The following KIRREL3 variants were observed in gnomAD, a reference collection of about 807,000 sequenced individuals.
The protein encoded by KIRREL3 is kirre like nephrin family adhesion molecule 3.
A neutral mutation model predicts 89.7 loss-of-function variants in KIRREL3; 36 were observed. The ratio of observed to expected loss-of-function variants is 0.40; its 90% CI spans 0.31 to 0.53. KIRREL3 has a LOEUF of 0.53. Ranked by LOEUF, KIRREL3 falls within the 20% of genes least tolerant of loss-of-function variation. KIRREL3 has a pLI of 0.49. For missense variants in KIRREL3, 864 were observed against 1,056.6 expected, an observed-to-expected ratio of 0.82 and a Z score of 2.53; for synonymous variants, 445 against 441.4, an observed-to-expected ratio of 1.01 and a Z score of -0.10.
Position 126,485,419 on chromosome 11 carries a change from C to T in KIRREL3, c.434-11953G>A, listed in dbSNP as rs1008140220. 6.6e-6 allele frequency among the ~76,000 whole-genome samples: 1 copy of T among 152,170 alleles called. No homozygotes were observed. Among genetic ancestry groups the T allele is most frequent in the African/African-American group, 2.4e-5 (1 of 41,428 alleles). On this transcript the variant is annotated intron_variant, in intron 4 of 16. Transcript: ENST00000525144. This position sits in a 1 kb window ranked among gnomAD's most constrained non-coding sequence, Gnocchi z 5.8. ...ATTGTTTAGGGGATAAGAAGGGAGG[C>T]CCTGAAGTCAGAGTGCCTGGCTGGG...
rs952962913 is a variant in KIRREL3 at position 126,443,291 on chromosome 11, C to T, written c.1252+1688G>A. Reference sequence around the variant, plus strand: ...CCTGACTTCCGAGTGCCCTGGCTGGCGCGGGCTGTGTGGAGGGCCGCTGAT... The same window carrying T: ...CCTGACTTCCGAGTGCCCTGGCTGGTGCGGGCTGTGTGGAGGGCCGCTGAT... On this transcript the variant is annotated intron_variant, in intron 10 of 16. Transcript: ENST00000525144. This position sits in a 1 kb window ranked among gnomAD's most constrained non-coding sequence, Gnocchi z 7.3. Among the ~76,000 whole-genome samples, 13 of 152,118 alleles carry T rather than the reference C, an allele frequency of 8.5e-5. No homozygotes were observed. Among genetic ancestry groups the T allele is most frequent in the Admixed American group, 2.6e-4 (4 of 15,268 alleles).
chr11:126,758,726 A>C (rs1949581982), intron 1 of KIRREL3, among the ~76,000 whole-genome samples: 1 of 152,238 alleles, frequency 6.6e-6, no homozygotes, highest in Non-Finnish European at 1.5e-5. Context: ...GTGTCAGTGC[A>C]TACAGAACTA....
chr11:126,467,644 T>A (rs28534962), intron 5 of KIRREL3, among the ~76,000 whole-genome samples: 97,494 of 150,210 alleles, frequency 0.65, 32,008 homozygotes, highest in East Asian at 0.83. Flanking sequence ...TTTTTTTTTT[T>A]AAAAAATCAT....
chr11:126,619,362 C>T (rs1368149663), intron 1 of KIRREL3, among the ~76,000 whole-genome samples: 3 of 152,186 alleles, frequency 2.0e-5, no homozygotes, highest in East Asian at 1.9e-4. Context: ...GAGAGGAAGG[C>T]GGAAGCCAGA....
In KIRREL3 at chr11:126,905,690, C is replaced by T. The variant is rs1946555389; in HGVS notation, c.55+94765G>A. On this transcript the variant is annotated intron_variant, in intron 1 of 16. Coordinates refer to ENST00000525144, the MANE Select transcript of KIRREL3 (RefSeq NM_032531.4). The surrounding 1 kb of genome is among the most constrained non-coding windows in gnomAD (Gnocchi z 5.0). The stretch of plus-strand genomic sequence containing the variant: ...ATTCTCCAATCTGTCTGGCCATGAA[C>T]CCTTAACAGAACACCAGAGACCTAT... Among the ~76,000 whole-genome samples, 1 of 152,108 alleles carries T rather than the reference C, an allele frequency of 6.6e-6. No homozygotes were observed. Among genetic ancestry groups the T allele is most frequent in the African/African-American group, 2.4e-5 (1 of 41,406 alleles).
At chr11:126,800,636 A>G (rs1951002039) in intron 1 of KIRREL3, among the ~76,000 whole-genome samples, 1 of 152,138 alleles carries the variant, frequency 6.6e-6, no homozygotes, top group Non-Finnish European at 1.5e-5. Flanking sequence ...TGATAGTGCA[A>G]CCTTCAGGAT....
chr11:126,847,316 G>A (rs545495876), intron 1 of KIRREL3, among the ~76,000 whole-genome samples: 3 of 151,640 alleles, frequency 2.0e-5, no homozygotes, highest in Admixed American at 2.0e-4. Context: ...GTAATAATAA[G>A]AATTGTTACA....
At chr11:126,451,464 G>A (rs572804654) in intron 7 of KIRREL3, among the ~76,000 whole-genome samples, 1 of 149,896 alleles carries the variant, frequency 6.7e-6, no homozygotes, top group Admixed American at 6.6e-5. Flanking sequence ...GCGCATGTGT[G>A]GGCATGTGCA....
At position 126,564,627 on chromosome 11, in the gene KIRREL3, G is replaced by A. The variant is rs990519952; in HGVS notation, c.56-1715C>T. On this transcript the variant is annotated intron_variant, in intron 1 of 16. Coordinates refer to ENST00000525144, the MANE Select transcript of KIRREL3 (RefSeq NM_032531.4). This position sits in a 1 kb window ranked among gnomAD's most constrained non-coding sequence, Gnocchi z 7.4. ...TTACATCTCAGGCACCCAAATTGACGATGTTAAGTTCCCTCATTCAAGGCC... is the reference window on the plus strand; with the variant it reads ...TTACATCTCAGGCACCCAAATTGACAATGTTAAGTTCCCTCATTCAAGGCC... Among the ~76,000 whole-genome samples, 10 of 152,202 alleles carry A rather than the reference G, an allele frequency of 6.6e-5. No individual in the cohort carries two copies. Among genetic ancestry groups the A allele is most frequent in the African/African-American group, 7.2e-5 (3 of 41,454 alleles).
intron 1 of KIRREL3, among the ~76,000 whole-genome samples, chr11:126,667,176 A>G (rs529400636): frequency 4.9e-4 from 75 of 152,400 alleles, no homozygotes; most frequent in African/African-American, 1.7e-3. Context: ...AAATAAAAAA[A>G]GAAGACAATC....
rs1348969918 is a variant in KIRREL3, at chr11:126,643,477, G to A, written c.56-80565C>T. ...GGGAAAAAACATGAGTATTGAAGTG[G>A]AAAAGAGGAGGTCATGGTTCAGGGA... is the stretch of plus-strand genomic sequence containing the variant. On this transcript the variant is annotated intron_variant, in intron 1 of 16. Coordinates refer to ENST00000525144, the MANE Select transcript of KIRREL3 (RefSeq NM_032531.4). This position sits in a 1 kb window ranked among gnomAD's most constrained non-coding sequence, Gnocchi z 4.5. Among the ~76,000 whole-genome samples the A allele has an allele frequency of 6.6e-6, 1 of 152,124 alleles. No homozygotes were observed. The highest frequency in any genetic ancestry group is 1.5e-5 in the Non-Finnish European group (1 of 68,018).
chr11:126,604,836 C>A (rs1004283142), intron 1 of KIRREL3, among the ~76,000 whole-genome samples: 2 of 152,216 alleles, frequency 1.3e-5, no homozygotes, highest in African/African-American at 2.4e-5. Flanking sequence ...CACCCCAGAG[C>A]TGCAACCTGC....
rs1939795671 is a variant in KIRREL3, at chr11:126,557,581, AT to A, written c.133+5253del. On this transcript the variant is annotated intron_variant, in intron 2 of 16. Transcript: ENST00000525144. The surrounding 1 kb of genome is among the most constrained non-coding windows in gnomAD (Gnocchi z 5.6). Reference sequence around the variant, plus strand: ...CTCTTAAGTGCTCCTCCCACTACACATCCCAGCTGTGGGGCACCTCTCTTTC... The same window carrying A: ...CTCTTAAGTGCTCCTCCCACTACACACCCAGCTGTGGGGCACCTCTCTTTC... Among the ~76,000 whole-genome samples, 1 of 152,172 alleles carries A rather than the reference AT, an allele frequency of 6.6e-6. No individual in the cohort carries two copies.
intron 1 of KIRREL3, among the ~76,000 whole-genome samples, chr11:126,804,717 A>G (rs988434836): frequency 1.1e-4 from 17 of 152,210 alleles, no homozygotes; most frequent in East Asian, 3.8e-4. Flanking sequence ...TAAAAAATTC[A>G]TGAGTGTTCG....
chr11:126,911,875 C>T (rs993769656), intron 1 of KIRREL3, among the ~76,000 whole-genome samples: 10 of 150,596 alleles, frequency 6.6e-5, no homozygotes, highest in African/African-American at 1.7e-4. Flanking sequence ...CCCAGCTACT[C>T]GGGAGGCTGA....
intron 11 of KIRREL3, among the ~76,000 whole-genome samples, chr11:126,438,022 A>G (rs950222006): frequency 6.6e-6 from 1 of 152,170 alleles, no homozygotes; most frequent in African/African-American, 2.4e-5. Flanking sequence ...ACATGTACAC[A>G]CACATACTCT....
intron 1 of KIRREL3, among the ~76,000 whole-genome samples, chr11:126,861,463 C>T (rs1214368193): frequency 1.3e-5 from 2 of 152,092 alleles, no homozygotes; most frequent in South Asian, 2.1e-4. Context: ...ACCCTCTAAC[C>T]CCTTGACAGT....
Position 126,443,763 on chromosome 11 carries a change from G to A in KIRREL3, c.1252+1216C>T, listed in dbSNP as rs145347481. On this transcript the variant is annotated intron_variant, in intron 10 of 16. Coordinates refer to ENST00000525144, the MANE Select transcript of KIRREL3 (RefSeq NM_032531.4). This position sits in a 1 kb window ranked among gnomAD's most constrained non-coding sequence, Gnocchi z 7.3. ...GAAGCTGAAGCCCACGAGCTAATTT[G>A]GAGACCTCAGGAGGGCCCTGCTCTG... Among the ~76,000 whole-genome samples the A allele has an allele frequency of 3.9e-5, 6 of 152,262 alleles. No individual in the cohort carries two copies. The East Asian group carries it at 1.2e-3, about 29-fold the overall frequency.
intron 1 of KIRREL3, among the ~76,000 whole-genome samples, chr11:126,923,263 T>TCTTCTCCTTCTCCTTCTC (rs1439644782): frequency 3.5e-5 from 2 of 56,644 alleles, no homozygotes; most frequent in African/African-American, 1.6e-4. Flanking sequence ...TTCTTCTTCT[T>TCTTCTCCTTCTCCTTCTC]CTTCTCCTTC....
Sources: allele counts gnomAD v4.1 joint callset (sites outside exome capture counted in the v4.1 genomes callset), GRCh38; gene constraint gnomAD v4.1.1; non-coding constraint Gnocchi (gnomAD v3.1); transcripts MANE v1.5; gene names NCBI Gene and HGNC (gene_info 2026-07-23, HGNC 2026-07-21).